The following ATF2 variants were observed in gnomAD, a reference collection of about 807,000 sequenced individuals.
The protein encoded by ATF2 is cyclic AMP-dependent transcription factor ATF-2.
ATF2 carries 24 observed loss-of-function variants against 60.6 expected under a neutral mutation model. The ratio of observed to expected loss-of-function variants is 0.40; its 90% CI spans 0.29 to 0.56. The LOEUF (loss-of-function observed/expected upper bound fraction) is 0.56. ATF2 is among the 20% of genes least tolerant of loss of function. The pLI, the probability that ATF2 is intolerant of heterozygous loss-of-function variation, is 0.54. For missense variants in ATF2, 433 were observed against 607.7 expected (o/e 0.71, Z 3.02); for synonymous variants, 206 against 215.4 (o/e 0.96, Z 0.38).
intron 10 of ATF2, among the ~76,000 whole-genome samples, chr2:175,110,186 T>G (rs1696073178): frequency 6.6e-6 from 1 of 151,962 alleles, no homozygotes; most frequent in African/African-American, 2.4e-5. Context: ...AATACAAAAA[T>G]TAGCCAGGCA....
chr2:175,104,709 G>T (rs1478220340), intron 10 of ATF2, among the ~76,000 whole-genome samples: 2 of 152,148 alleles, frequency 1.3e-5, no homozygotes, highest in Non-Finnish European at 2.9e-5. Context: ...TTTATATGGT[G>T]AGTCTTCTTA....
At chr2:175,165,213 A>G (rs1700273115) in intron 1 of ATF2, among the ~76,000 whole-genome samples, 1 of 152,250 alleles carries the variant, frequency 6.6e-6, no homozygotes, top group South Asian at 2.1e-4. Flanking sequence ...TCAGTTGAAT[A>G]TTAATTATTG....
At chr2:175,149,453 A>T (rs924420884) in intron 2 of ATF2, among the ~76,000 whole-genome samples, 3 of 152,244 alleles carry the variant, frequency 2.0e-5, no homozygotes, top group Non-Finnish European at 4.4e-5. Context: ...AATCAAGAGG[A>T]GGATTTTTGC....
intron 4 of ATF2, among the ~76,000 whole-genome samples, chr2:175,128,209 A>G (rs1310604013): frequency 6.6e-6 from 1 of 152,200 alleles, no homozygotes; most frequent in Non-Finnish European, 1.5e-5. Context: ...TTAAAAACTT[A>G]GCTTCAACTG....
chr2:175,126,340 A>G (rs1697332553), intron 4 of ATF2, among the ~76,000 whole-genome samples: 2 of 152,122 alleles, frequency 1.3e-5, no homozygotes, highest in African/African-American at 4.8e-5. Context: ...TTCCATCTAT[A>G]CTATTGTGAT....
chr2:175,134,379 A>G (rs1217906548), intron 3 of ATF2, among the ~76,000 whole-genome samples: 1 of 152,154 alleles, frequency 6.6e-6, no homozygotes, highest in Non-Finnish European at 1.5e-5. Context: ...ATTGAGGAAC[A>G]ACTGTATATC....
chr2:175,157,819 C>T (rs947998042), intron 1 of ATF2, among the ~76,000 whole-genome samples: 1 of 151,992 alleles, frequency 6.6e-6, no homozygotes, highest in African/African-American at 2.4e-5. Context: ...ATGGTGAAAC[C>T]CTTTCTCTAC....
intron 3 of ATF2, 36 bp from the exon 4 acceptor site, chr2:175,130,243 T>C: frequency 1.1e-5 from 14 of 1,291,716 alleles, no homozygotes; most frequent in Non-Finnish European, 1.5e-5. Context: ...GAGTACATAT[T>C]TTAAAATAAA....
intron 1 of ATF2, among the ~76,000 whole-genome samples, chr2:175,156,576 A>G (rs1699702695): frequency 6.6e-6 from 1 of 152,072 alleles, no homozygotes; most frequent in Admixed American, 6.5e-5. Context: ...AGGGGGCCAC[A>G]TGGAAAGCAC....
At chr2:175,139,075 G>A (rs1315656963) in intron 2 of ATF2, among the ~76,000 whole-genome samples, 1 of 152,192 alleles carries the variant, frequency 6.6e-6, no homozygotes, top group Non-Finnish European at 1.5e-5. Context: ...TATATGTAAA[G>A]TATATAGCAC....
intron 4 of ATF2, among the ~76,000 whole-genome samples, chr2:175,128,747 G>A (rs1697525006): frequency 6.6e-6 from 1 of 152,000 alleles, no homozygotes; most frequent in African/African-American, 2.4e-5. Flanking sequence ...ATATTATTAC[G>A]AAAATTAAGA....
chr2:175,126,484 T>C (rs568521198), intron 4 of ATF2, among the ~76,000 whole-genome samples: 1 of 152,336 alleles, frequency 6.6e-6, no homozygotes, highest in African/African-American at 2.4e-5. Flanking sequence ...AAAGTATGCA[T>C]GTTAACTCCT....
chr2:175,089,349 GC>G (rs1694386042), intron 12 of ATF2, among the ~76,000 whole-genome samples: 1 of 151,994 alleles, frequency 6.6e-6, no homozygotes, highest in Non-Finnish European at 1.5e-5. Context: ...ATATTTTAAG[GC>G]CTAATATGTA....
intron 1 of ATF2, among the ~76,000 whole-genome samples, chr2:175,163,867 G>A (rs1016064198): frequency 8.2e-6 from 1 of 122,652 alleles, no homozygotes; most frequent in African/African-American, 3.1e-5. Context: ...AGGTTACAAT[G>A]AGCTGAGAGC....
intron 1 of ATF2, among the ~76,000 whole-genome samples, chr2:175,160,247 T>C (rs535975210): frequency 5.3e-5 from 8 of 152,256 alleles, no homozygotes; most frequent in African/African-American, 9.6e-5. Context: ...TAGCTGGGTA[T>C]AGTAGCACAT....
intron 1 of ATF2, among the ~76,000 whole-genome samples, chr2:175,163,186 C>A (rs420326): frequency 0.12 from 238 of 1,972 alleles, 3 homozygotes; most frequent in East Asian, 0.46. Flanking sequence ...TAAATAAATG[C>A]AAGCAAACAT....
chr2:175,115,899 T>G (rs1428156502), intron 7 of ATF2, among the ~76,000 whole-genome samples: 1 of 152,144 alleles, frequency 6.6e-6, no homozygotes, highest in African/African-American at 2.4e-5. Context: ...TGAGCTTCTT[T>G]GCAAAAACAG....
At chr2:175,142,877 T>C (rs1698683826) in intron 2 of ATF2, among the ~76,000 whole-genome samples, 1 of 151,982 alleles carries the variant, frequency 6.6e-6, no homozygotes, top group African/African-American at 2.4e-5. Context: ...GACAGAGTTT[T>C]GCTCTGTCAC....
intron 13 of ATF2, among the ~76,000 whole-genome samples, chr2:175,076,316 A>C (rs530983885): frequency 6.6e-6 from 1 of 152,224 alleles, no homozygotes; most frequent in African/African-American, 2.4e-5. Flanking sequence ...ACCCCTAGAT[A>C]CTTGACCTCA....
Sources: gnomAD v4.1 joint callset for allele counts (sites outside exome capture counted in the v4.1 genomes callset) on GRCh38, gnomAD v4.1.1 for gene constraint, MANE v1.5 for transcripts, NCBI Gene and HGNC (gene_info 2026-07-23, HGNC 2026-07-21) for gene names.